The following STK32A variants were observed in gnomAD, a reference collection of about 807,000 sequenced individuals.
The protein encoded by STK32A is serine/threonine kinase 32A, also known as serine/threonine-protein kinase 32A.
A neutral mutation model predicts 53.2 loss-of-function variants in STK32A; 41 were observed. The observed-to-expected ratio is 0.77, with a 90% CI of 0.60 to 1.00. The LOEUF (loss-of-function observed/expected upper bound fraction) is 1.00. STK32A is among the 50% of genes least tolerant of loss of function. The pLI is 0.00. For synonymous variants in STK32A, 166 were observed against 162.8 expected (o/e 1.02, Z -0.15); for missense variants, 458 against 485.8 (o/e 0.94, Z 0.54).
At chr5:147,324,846 T>C (rs534774034) in intron 5 of STK32A, among the ~76,000 whole-genome samples, 47 of 152,326 alleles carry the variant, frequency 3.1e-4, no homozygotes, top group African/African-American at 1.1e-3. Context: ...CATCTACTAA[T>C]CAACATCAAA....
chr5:147,325,857 T>C (rs1034193618), intron 5 of STK32A, among the ~76,000 whole-genome samples: 3 of 152,182 alleles, frequency 2.0e-5, no homozygotes, highest in African/African-American at 7.2e-5. Context: ...TGCTCGTTCA[T>C]TCTCCCAAAA....
intron 5 of STK32A, among the ~76,000 whole-genome samples, chr5:147,335,778 A>AGT (rs1050316907): frequency 8.6e-5 from 13 of 151,912 alleles, no homozygotes; most frequent in African/African-American, 1.2e-4. Context: ...CACAAAATAC[A>AGT]GTGTGTGTGT....
chr5:147,370,608 T>C (rs764877039), intron 8 of STK32A, 46 bp from the exon 9 acceptor site: 3 of 1,297,296 alleles, frequency 2.3e-6, no homozygotes, highest in South Asian at 1.3e-5. Context: ...TTTTTTTTTC[T>C]TTTGTCCTAT....
intron 2 of STK32A, among the ~76,000 whole-genome samples, chr5:147,259,542 T>A (rs1289431310): frequency 2.1e-5 from 1 of 48,762 alleles, no homozygotes; most frequent in Non-Finnish European, 3.9e-5. Context: ...TTACCCTGGC[T>A]TTTTTTTTTT....
At chr5:147,318,873 G>A (rs1365274263) in intron 4 of STK32A, among the ~76,000 whole-genome samples, 1 of 152,008 alleles carries the variant, frequency 6.6e-6, no homozygotes. Context: ...ACCATCCAGG[G>A]TATACAAGAT....
chr5:147,243,750 G>T (rs892084410), intron 2 of STK32A, among the ~76,000 whole-genome samples: 4 of 113,116 alleles, frequency 3.5e-5, no homozygotes, highest in Non-Finnish European at 7.8e-5. Context: ...AAAAAAAACG[G>T]CTTGCTTATT....
rs1159856466 is a variant in STK32A at position 147,384,422 on chromosome 5, T to C, written c.*439T>C. The C allele has an allele frequency of 1.3e-6, 2 of 1,534,462 alleles. No individual in the cohort carries two copies. Among genetic ancestry groups the C allele is most frequent in the South Asian group, 2.4e-5 (2 of 83,856 alleles). On this transcript the variant is annotated 3_prime_UTR_variant, in exon 13 of 13. Transcript: ENST00000397936. ...AGGACTCAGTGAGACTTTTCAGACC[T>C]CGAAAGTTTCATAAAGTGGTCAGAA...
In STK32A at chr5:147,256,150, T is replaced by C. The variant is rs1207478095; in HGVS notation, c.52+16464T>C. On this transcript the variant is annotated intron_variant, in intron 2 of 12. Transcript: ENST00000397936. The stretch of plus-strand genomic sequence containing the variant: ...AATAAGGGCTGACTGATTGATAAGC[T>C]CTTGAAAATTCTTAAGCTCACTGCA... 2.0e-5 allele frequency among the ~76,000 whole-genome samples: 3 copies of C among 152,130 alleles called. No homozygotes were observed. In the East Asian group the frequency reaches 5.8e-4, roughly 29 times the overall value.
chr5:147,384,437 A>G lies in STK32A; in HGVS notation c.*454A>G, dbSNP rs1456150658. 2 of 1,534,134 alleles carry G rather than the reference A, an allele frequency of 1.3e-6. No individual in the cohort carries two copies. Among genetic ancestry groups the G allele is most frequent in the African/African-American group, 2.7e-5 (2 of 73,000 alleles). ...TTTTCAGACCTCGAAAGTTTCATAA[A>G]GTGGTCAGAATGCCCCAGGCTACTT... On this transcript the variant is annotated 3_prime_UTR_variant, in exon 13 of 13. Coordinates refer to ENST00000397936, the MANE Select transcript of STK32A (RefSeq NM_001112724.2).
the STK32A span, chr5:147,400,985 G>A: frequency 9.3e-7 from 1 of 1,076,770 alleles, no homozygotes; most frequent in African/African-American, 1.6e-5. Context: ...GAGCTTGGAT[G>A]AGTTTCTTCC....
At chr5:147,290,599 C>A (rs1752554933) in intron 4 of STK32A, among the ~76,000 whole-genome samples, 1 of 152,158 alleles carries the variant, frequency 6.6e-6, no homozygotes, top group African/African-American at 2.4e-5. Flanking sequence ...GGGCCTCTAT[C>A]TCTTTACTCA....
intron 2 of STK32A, among the ~76,000 whole-genome samples, chr5:147,270,148 A>G (rs1405805731): frequency 6.6e-6 from 1 of 152,214 alleles, no homozygotes; most frequent in African/African-American, 2.4e-5. Flanking sequence ...TAAAAATCAC[A>G]AACCCAGAAG....
chr5:147,379,874 T>A (rs1214668073), intron 11 of STK32A, among the ~76,000 whole-genome samples: 1 of 152,194 alleles, frequency 6.6e-6, no homozygotes, highest in African/African-American at 2.4e-5. Context: ...TTCTAAGTCA[T>A]GTATGACCCA....
intron 11 of STK32A, 87 bp downstream of exon 11, chr5:147,375,305 C>G: frequency 6.7e-7 from 1 of 1,489,958 alleles, no homozygotes; most frequent in Non-Finnish European, 9.0e-7. Context: ...GAGGTCATTT[C>G]AGCTTCCTGC....
At chr5:147,314,517 CAAAAAAAAACAA>C (rs1406486080) in intron 4 of STK32A, among the ~76,000 whole-genome samples, 1 of 12,320 alleles carries the variant, frequency 8.1e-5, no homozygotes, top group East Asian at 2.1e-3. Context: ...CAAAAAAAAA[CAAAAAAAAACAA>C]AAAAAAAAAA....
chr5:147,252,089 G>C (rs1754025029), intron 2 of STK32A, among the ~76,000 whole-genome samples: 1 of 151,916 alleles, frequency 6.6e-6, no homozygotes, highest in Admixed American at 6.6e-5. Flanking sequence ...CAAGGCTACG[G>C]TGAGCTGTAA....
chr5:147,304,273 A>C (rs535019719), intron 4 of STK32A, among the ~76,000 whole-genome samples: 4 of 152,338 alleles, frequency 2.6e-5, no homozygotes, highest in African/African-American at 9.6e-5. Flanking sequence ...AGCTCAAAGA[A>C]AGAATAAAAT....
rs141769392 is a variant in STK32A, at chr5:147,358,120, C to A, written c.563-3397C>A. On this transcript the variant is annotated intron_variant, in intron 7 of 12. Transcript: ENST00000397936. ...TTTATGTCCTGACCAAAATTTAATA[C>A]CCACGTTTAAAAAAATCTGAAAACC... Among the ~76,000 whole-genome samples, 59 of 151,842 alleles carry A rather than the reference C, an allele frequency of 3.9e-4. No individual in the cohort carries two copies. In the East Asian group the frequency reaches 0.01, roughly 27 times the overall value.
chr5:147,328,837 C>T (rs1350782819), intron 5 of STK32A, among the ~76,000 whole-genome samples: 1 of 152,134 alleles, frequency 6.6e-6, no homozygotes, highest in Non-Finnish European at 1.5e-5. Flanking sequence ...TTTCTGTTTA[C>T]TCCCTTGTCA....
Sources: allele counts gnomAD v4.1 joint callset (sites outside exome capture counted in the v4.1 genomes callset), GRCh38; gene constraint gnomAD v4.1.1; transcripts MANE v1.5; gene names NCBI Gene and HGNC (gene_info 2026-07-23, HGNC 2026-07-21).